Variants in SETD1B observed in about 807,000 individuals in gnomAD.
SETD1B encodes the protein SET domain containing 1B, histone lysine methyltransferase.
A neutral mutation model predicts 148.0 loss-of-function variants in SETD1B; 7 were observed. The observed-to-expected ratio is 0.05, with a 90% CI of 0.03 to 0.09. The LOEUF (loss-of-function observed/expected upper bound fraction) is 0.09, where lower values mean the gene tolerates loss of function less well. SETD1B is among the 10% of genes least tolerant of loss of function. The probability of loss-of-function intolerance (pLI) is 1.00; values close to 1 mark genes in which losing one functional copy is unlikely to be tolerated. For synonymous variants in SETD1B, 1,361 were observed against 1,186.5 expected (o/e 1.15, Z -3.02); for missense variants, 2,155 against 2,729.9 (o/e 0.79, Z 4.69).
At chr12:121,812,231 G>C (rs1008889896) in intron 6 of SETD1B, among the ~76,000 whole-genome samples, 4 of 152,170 alleles carry the variant, frequency 2.6e-5, no homozygotes, top group Non-Finnish European at 5.9e-5. Flanking sequence ...CATCCTAGGT[G>C]GGGGAGCGGC....
chr12:121,804,463 C>G lies in SETD1B; in HGVS notation c.-15+230C>G, dbSNP rs1875606450. 6.6e-6 allele frequency among the ~76,000 whole-genome samples: 1 copy of G among 150,634 alleles called. No individual in the cohort carries two copies. The highest frequency in any genetic ancestry group is 1.5e-5 in the Non-Finnish European group (1 of 67,452). The stretch of plus-strand genomic sequence containing the variant: ...CGTCCTCCGGGCGCCCCGGGCCCCG[C>G]CAGCCCGCCCAGGGGACCCCCGGGA... On this transcript the variant is annotated intron_variant, in intron 1 of 16. Transcript: ENST00000604567. The surrounding 1 kb of genome is among the most constrained non-coding windows in gnomAD (Gnocchi z 4.6).
the SETD1B span, chr12:121,793,336 A>T: frequency 7.0e-7 from 1 of 1,437,954 alleles, no homozygotes; most frequent in African/African-American, 1.4e-5. Context: ...GTCCCGGATC[A>T]GCCCCCCCTC....
chr12:121,804,686 C>A lies in SETD1B; in HGVS notation c.-14-38C>A. 6.6e-7 allele frequency: 1 copy of A among 1,524,704 alleles called. No homozygotes were observed. The highest frequency in any genetic ancestry group is 8.8e-7 in the Non-Finnish European group (1 of 1,132,410). 94.4% of individuals were successfully genotyped at this position (1,524,704 alleles called of 1,614,324 possible). ...TGTGTGTAGAAGCGGCCGCCGCCGCCGCCGCGGCGGAGACGACAACAACTT... is the reference window on the plus strand; with the variant it reads ...TGTGTGTAGAAGCGGCCGCCGCCGCAGCCGCGGCGGAGACGACAACAACTT... On this transcript the variant is annotated intron_variant, in intron 1 of 16. Transcript: ENST00000604567. This position sits in a 1 kb window ranked among gnomAD's most constrained non-coding sequence, Gnocchi z 4.6.
At chr12:121,816,137 C>CT (rs1876282833) in intron 7 of SETD1B, among the ~76,000 whole-genome samples, 1 of 151,880 alleles carries the variant, frequency 6.6e-6, no homozygotes, top group African/African-American at 2.4e-5. Context: ...CTCTTTTTTC[C>CT]TTTTTAACAT....
chr12:121,793,556 G>T, the SETD1B span: 1 of 1,549,802 alleles, frequency 6.5e-7, no homozygotes. Flanking sequence ...AGCCGCCGTC[G>T]CCCACGATCA....
In SETD1B at chr12:121,817,042, AC is replaced by A; in HGVS notation, c.2729del (p.Pro910ArgfsTer2). 1 of 1,523,508 alleles carries A rather than the reference AC, an allele frequency of 6.6e-7. No individual in the cohort carries two copies. Among genetic ancestry groups the A allele is most frequent in the Non-Finnish European group, 8.9e-7 (1 of 1,129,142 alleles). 94.4% of individuals were successfully genotyped at this position (1,523,508 alleles called of 1,614,324 possible). A position where few individuals can be genotyped will look rare whatever the true frequency, so the allele number is the denominator to read the frequency against. On this transcript the variant is annotated frameshift_variant, in exon 8 of 17. Transcript: ENST00000604567. LOFTEE classifies it high-confidence loss of function. This position sits in a 1 kb window ranked among gnomAD's most constrained non-coding sequence, Gnocchi z 8.1. ...CCTGTCTCCACCCCAGGCCTCGCTG[AC>A]CCCGGTGAAGTCGGGCGAGCACAAG... is the stretch of plus-strand genomic sequence containing the variant. ...KKERMAKASL[T>X]PVKSGEHKDE... is the part of the protein sequence containing the mutation.
chr12:121,828,169 G>A (rs1013915304), intron 16 of SETD1B, 99 bp downstream of exon 16: 19 of 1,465,334 alleles, frequency 1.3e-5, no homozygotes, highest in African/African-American at 4.2e-5. Flanking sequence ...GAATCAGCTC[G>A]GCCTCCTTCC....
rs1876217747 is a variant in SETD1B at position 121,814,910 on chromosome 12, A to G, written c.2695A>G (p.Lys899Glu). Residue 899 changes from lysine to glutamate, a missense_variant, in exon 7 of 17, where the codon AAG (lysine) becomes GAG (glutamate). By Grantham distance (56) the Lys-to-Glu change is moderately conservative. This residue lies in a region of SETD1B where 289 missense variants were observed against 423.7 expected (regional missense o/e 0.68). Coordinates refer to ENST00000604567, the MANE Select transcript of SETD1B (RefSeq NM_001353345.2). The stretch of plus-strand genomic sequence containing the variant: ...CCGGGCCTTTGACGAGTGGTGGGAC[A>G]AGAAGGAGCGGATGGCCAAGGTGGG... ...AFRAFDEWWD[K>E]KERMAKASLT... 1 of 1,549,006 alleles carries G rather than the reference A, an allele frequency of 6.5e-7. No individual in the cohort carries two copies. The highest frequency in any genetic ancestry group is 1.2e-5 in the South Asian group (1 of 84,004).
Position 121,810,263 on chromosome 12 carries a change from G to T in SETD1B, c.1318G>T (p.Ala440Ser). The change falls in exon 6 of 17, where the codon GCT becomes TCT. Residue 440 changes from alanine (A) to serine (S), a missense_variant. Transcript: ENST00000604567. The surrounding 1 kb of genome is among the most constrained non-coding windows in gnomAD (Gnocchi z 7.6). ...RAPAPPPLPP[A>S]EPLAKEKPGT... Reference sequence around the variant, plus strand: ...ACCGGCGCCCCCACCCCTGCCACCTGCTGAGCCTCTGGCCAAGGAGAAGCC... The same window carrying T: ...ACCGGCGCCCCCACCCCTGCCACCTTCTGAGCCTCTGGCCAAGGAGAAGCC... 6.5e-7 allele frequency: 1 copy of T among 1,545,170 alleles called. No homozygotes were observed. Among genetic ancestry groups the T allele is most frequent in the Non-Finnish European group, 8.7e-7 (1 of 1,146,746 alleles).
the SETD1B span, chr12:121,797,444 C>T: frequency 1.1e-4 from 49 of 456,308 alleles, no homozygotes; most frequent in South Asian, 7.4e-4. Flanking sequence ...CAAACTGCCT[C>T]ACCCTCCCTG....
intron 12 of SETD1B, among the ~76,000 whole-genome samples, chr12:121,824,640 CTG>C (rs769855218): frequency 2.0e-5 from 3 of 151,064 alleles, no homozygotes; most frequent in East Asian, 3.9e-4. Context: ...GAACAAGACT[CTG>C]TCTCAAAAAA....
At position 121,819,425 on chromosome 12, in the gene SETD1B, C is replaced by T. The variant is rs1312599691; in HGVS notation, c.3440C>T (p.Thr1147Ile). The part of the protein sequence containing the change: ...SDEEETVSIV[T>I]SKAEATSSSE... Reference sequence around the variant, plus strand: ...CCAGAGGAGACAGTGAGCATTGTAACCTCCAAGGCCGAAGCCACGTCGTCC... The same window carrying T: ...CCAGAGGAGACAGTGAGCATTGTAATCTCCAAGGCCGAAGCCACGTCGTCC... The change falls in exon 11 of 17, where the codon ACC (threonine) becomes ATC (isoleucine). Residue 1147 changes from threonine (T) to isoleucine (I), a missense_variant. Thr to Ile is a moderately conservative substitution (Grantham distance 89). This residue lies in a region of SETD1B where 862 missense variants were observed against 873.8 expected (regional missense o/e 0.99). Coordinates refer to ENST00000604567, the MANE Select transcript of SETD1B (RefSeq NM_001353345.2). The T allele has an allele frequency of 6.4e-7, 1 of 1,551,856 alleles. No homozygotes were observed. The highest frequency in any genetic ancestry group is 1.2e-5 in the South Asian group (1 of 84,054).
chr12:121,804,923 G>T lies in SETD1B; in HGVS notation c.174+12G>T, dbSNP rs1875648310. The T allele has an allele frequency of 8.1e-6, 12 of 1,486,188 alleles. No homozygotes were observed. The highest frequency in any genetic ancestry group is 1.1e-5 in the Non-Finnish European group (12 of 1,114,794). 92.1% of individuals were successfully genotyped at this position (1,486,188 alleles called of 1,614,324 possible). On this transcript the variant is annotated intron_variant, in intron 2 of 16. Coordinates refer to ENST00000604567, the MANE Select transcript of SETD1B (RefSeq NM_001353345.2). The surrounding 1 kb of genome is among the most constrained non-coding windows in gnomAD (Gnocchi z 4.6). ...ATTTCAGCCTGGCGGTGAGTAGCCG[G>T]CGCGCCCCCCCAGCCGTGCCCCGCG...
In SETD1B at chr12:121,809,908, C is replaced by T; in HGVS notation, c.963C>T (p.Tyr321=). 1.3e-6 allele frequency: 2 copies of T among 1,550,936 alleles called. No homozygotes were observed. Among genetic ancestry groups the T allele is most frequent in the Non-Finnish European group, 1.7e-6 (2 of 1,146,974 alleles). The change falls in exon 6 of 17, where the codon TAC becomes TAT. Residue 321 remains tyrosine (Y), a synonymous_variant. Coordinates refer to ENST00000604567, the MANE Select transcript of SETD1B (RefSeq NM_001353345.2). ...ACGAGAGCAAGTTCACGGACGCCTA[C>T]AACCGCCGCCACGAACATCATTATG... ...RRHESKFTDA[Y]NRRHEHHYVH...
Position 121,822,680 on chromosome 12 carries a change from T to C in SETD1B, c.4101T>C (p.Cys1367=), listed in dbSNP as rs1309708767. 6.5e-7 allele frequency: 1 copy of C among 1,542,188 alleles called. No individual in the cohort carries two copies. The highest frequency in any genetic ancestry group is 1.2e-5 in the South Asian group (1 of 83,652). Residue 1367 remains cysteine (C), a synonymous_variant, in exon 12 of 17, where the codon TGT becomes TGC. Transcript: ENST00000604567. ...EDHPPHTPGL[C]GSLAKSQSTE... is the part of the protein sequence containing the mutation. ...ACCCCCCGCATACTCCAGGCCTCTGTGGCAGCCTGGCCAAGTCGCAGAGCA... is the reference window on the plus strand; with the variant it reads ...ACCCCCCGCATACTCCAGGCCTCTGCGGCAGCCTGGCCAAGTCGCAGAGCA...
chr12:121,798,063 G>A, the SETD1B span, among the ~76,000 whole-genome samples: 1 of 152,256 alleles, frequency 6.6e-6, no homozygotes, highest in Non-Finnish European at 1.5e-5. Flanking sequence ...GATGCCAGCA[G>A]ACAGCTGGCA....
chr12:121,791,727 C>T, the SETD1B span, among the ~76,000 whole-genome samples: 1 of 152,184 alleles, frequency 6.6e-6, no homozygotes, highest in African/African-American at 2.4e-5. Flanking sequence ...TGGAGGCTGC[C>T]CTGAACAGTG....
intron 12 of SETD1B, among the ~76,000 whole-genome samples, chr12:121,824,802 C>T (rs1488034075): frequency 6.6e-6 from 1 of 152,094 alleles, no homozygotes; most frequent in Non-Finnish European, 1.5e-5. Flanking sequence ...CACTTGATCT[C>T]TGGAGGTTGA....
At position 121,825,938 on chromosome 12, in the gene SETD1B, G is replaced by A. The variant is rs186192618; in HGVS notation, c.5337+572G>A. On this transcript the variant is annotated intron_variant, in intron 13 of 16. Coordinates refer to ENST00000604567, the MANE Select transcript of SETD1B (RefSeq NM_001353345.2). ...TGGGATTATAAGCATAAGCCACATCGCATGGCCTCATTCATTCTTTTTTTA... is the reference window on the plus strand; with the variant it reads ...TGGGATTATAAGCATAAGCCACATCACATGGCCTCATTCATTCTTTTTTTA... Among the ~76,000 whole-genome samples, 348 of 152,148 alleles carry A rather than the reference G, an allele frequency of 2.3e-3. 4 individuals carry two copies. Among genetic ancestry groups the A allele is most frequent in the African/African-American group, 8.1e-3 (337 of 41,498 alleles).
Sources: allele counts gnomAD v4.1 joint callset (sites outside exome capture counted in the v4.1 genomes callset), GRCh38; gene constraint gnomAD v4.1.1; regional missense constraint gnomAD v4.1.1; non-coding constraint Gnocchi (gnomAD v3.1); transcripts MANE v1.5; gene names NCBI Gene and HGNC (gene_info 2026-07-23, HGNC 2026-07-21).